TECTB: variants seen among roughly 807,000 people sequenced by gnomAD.
TECTB encodes tectorin beta, also known as beta-tectorin.
In TECTB, 45 loss-of-function variants were observed where a neutral mutation model predicts 43.3. That is an observed-to-expected ratio of 1.04 (90% CI 0.82 to 1.33). The LOEUF (loss-of-function observed/expected upper bound fraction) is 1.33, where lower values mean the gene tolerates loss of function less well. TECTB is among the 40% of genes most tolerant of loss of function. TECTB has a pLI of 0.00. For synonymous variants in TECTB, 169 were observed against 156.7 expected (o/e 1.08, Z -0.59); for missense variants, 399 against 404.7 (o/e 0.99, Z 0.12).
Position 112,303,656 on chromosome 10 carries a change from A to C in TECTB, c.*344A>C, listed in dbSNP as rs973212069. 2 of 272,358 alleles carry C rather than the reference A, an allele frequency of 7.3e-6. No homozygotes were observed. The highest frequency in any genetic ancestry group is 1.4e-5 in the Non-Finnish European group (2 of 141,660). The allele number at this position is 272,358 out of a possible 1,614,324, so 16.9% of individuals were successfully genotyped here. A position where few individuals can be genotyped will look rare whatever the true frequency, so the allele number is the denominator to read the frequency against. ...CAGACCCAACCAAGTACTGCTGAGC[A>C]TTTTGAAGAGAATGTAGGGTGCAAC... On this transcript the variant is annotated 3_prime_UTR_variant, in exon 11 of 11. Transcript: ENST00000646139.
chr10:112,297,002 G>A (rs574848158), intron 7 of TECTB, among the ~76,000 whole-genome samples: 1 of 152,266 alleles, frequency 6.6e-6, no homozygotes, highest in Non-Finnish European at 1.5e-5. Context: ...CCCCACAATA[G>A]TGTGGGCTTC....
Position 112,300,279 on chromosome 10 carries a change from A to AAAAGAAAGAAAGAAAGAAAG in TECTB, c.907+737_907+756dup, listed in dbSNP as rs71303596. 7.5e-3 allele frequency among the ~76,000 whole-genome samples: 363 copies of AAAAGAAAGAAAGAAAGAAAG among 48,258 alleles called. 2 individuals are homozygous for AAAAGAAAGAAAGAAAGAAAG. Among genetic ancestry groups the AAAAGAAAGAAAGAAAGAAAG allele is most frequent in the African/African-American group, 0.013 (144 of 11,208 alleles). 31.7% of individuals were successfully genotyped at this position (48,258 alleles called of 152,430 possible). On this transcript the variant is annotated intron_variant, in intron 9 of 10. Transcript: ENST00000646139. ...GAAAGAAAGAAAGAAAGAAAGAAAG[A>AAAAGAAAGAAAGAAAGAAAG]AAAGAAAGAAAGAAAGAAAGAAAGA...
At position 112,283,505 on chromosome 10, in the gene TECTB, C is replaced by T. The variant is rs995843577; in HGVS notation, c.-88+9C>T. 5.6e-6 allele frequency: 3 copies of T among 540,246 alleles called. No individual in the cohort carries two copies. Among genetic ancestry groups the T allele is most frequent in the African/African-American group, 1.9e-5 (1 of 51,954 alleles). 33.5% of individuals were successfully genotyped at this position (540,246 alleles called of 1,614,324 possible). Reference sequence around the variant, plus strand: ...CATTGACGCTTCCAACGGTATGAGCCCCACTTTTTGCCTCTCAGCGCTAAC... The same window carrying T: ...CATTGACGCTTCCAACGGTATGAGCTCCACTTTTTGCCTCTCAGCGCTAAC... On this transcript the variant is annotated intron_variant, in intron 1 of 10. Transcript: ENST00000646139.
rs1284690180 is a variant in TECTB, at chr10:112,303,430, T to C, written c.*118T>C. 3 of 1,297,982 alleles carry C rather than the reference T, an allele frequency of 2.3e-6. No individual in the cohort carries two copies. In the African/African-American group the frequency reaches 4.4e-5, roughly 19 times the overall value. 80.4% of individuals were successfully genotyped at this position (1,297,982 alleles called of 1,614,324 possible). On this transcript the variant is annotated 3_prime_UTR_variant, in exon 11 of 11. Coordinates refer to ENST00000646139, the MANE Select transcript of TECTB (RefSeq NM_058222.3). ...GACCACATTGTTGGGGGGCAGAGAA[T>C]AGCACTTTGCCAAATATGCACTCCA...
intron 8 of TECTB, 33 bp downstream of exon 8, chr10:112,298,264 C>T (rs1848566505): frequency 9.4e-6 from 15 of 1,595,410 alleles, no homozygotes; most frequent in Non-Finnish European, 1.3e-5. Flanking sequence ...GACAATGTTA[C>T]CTAAAGGGTG....
chr10:112,287,662 T>C (rs1848465717), intron 5 of TECTB, among the ~76,000 whole-genome samples: 1 of 152,188 alleles, frequency 6.6e-6, no homozygotes, highest in African/African-American at 2.4e-5. Context: ...TAACCTAGTC[T>C]GTTGTACAGA....
In TECTB at chr10:112,295,618, A is replaced by G. The variant is rs558013769; in HGVS notation, c.671+1557A>G. The stretch of plus-strand genomic sequence containing the variant: ...GTGTTTACCTCACATCTGCCATTGA[A>G]TGATTCAATTCATTCAGCCTCTGTT... On this transcript the variant is annotated intron_variant, in intron 7 of 10. Coordinates refer to ENST00000646139, the MANE Select transcript of TECTB (RefSeq NM_058222.3). Among the ~76,000 whole-genome samples the G allele has an allele frequency of 1.1e-4, 17 of 152,370 alleles. No individual in the cohort carries two copies. In the South Asian group the frequency reaches 3.5e-3, roughly 32 times the overall value.
intron 9 of TECTB, among the ~76,000 whole-genome samples, chr10:112,300,240 A>AAG (rs1848589638): frequency 1.0e-4 from 3 of 29,868 alleles, no homozygotes; most frequent in African/African-American, 1.5e-4. Flanking sequence ...TAAAGAAAGA[A>AAG]AGAAAGAAAG....
chr10:112,301,859 T>A (rs1218691516), intron 9 of TECTB, among the ~76,000 whole-genome samples: 1 of 152,128 alleles, frequency 6.6e-6, no homozygotes, highest in African/African-American at 2.4e-5. Context: ...TACAGGCACG[T>A]GCCACCACAT....
At position 112,286,375 on chromosome 10, in the gene TECTB, C is replaced by T; in HGVS notation, c.467C>T (p.Ser156Phe). 2 of 1,609,008 alleles carry T rather than the reference C, an allele frequency of 1.2e-6. No individual in the cohort carries two copies. Among genetic ancestry groups the T allele is most frequent in the Admixed American group, 1.7e-5 (1 of 59,920 alleles). Residue 156 changes from serine (S) to phenylalanine (F), a missense_variant, in exon 5 of 11, where the codon TCT (serine) becomes TTT (phenylalanine). By Grantham distance (155) the Ser-to-Phe change is radical. Coordinates refer to ENST00000646139, the MANE Select transcript of TECTB (RefSeq NM_058222.3). The stretch of plus-strand genomic sequence containing the variant: ...ATGGGCACATTTGAGAGCCAACTGT[C>T]TCTCAACTTCTACACTGTAAGTGGT... ...GSMGTFESQLSLNFYTNAKFS... is the reference protein window; with the variant it reads ...GSMGTFESQLFLNFYTNAKFS...
In TECTB at chr10:112,303,403, A is replaced by G; in HGVS notation, c.*91A>G. ...TTGTGCTGCCAAAAAGAACAAACAG[A>G]AGACCACATTGTTGGGGGGCAGAGA... is the stretch of plus-strand genomic sequence containing the variant. On this transcript the variant is annotated 3_prime_UTR_variant, in exon 11 of 11. Coordinates refer to ENST00000646139, the MANE Select transcript of TECTB (RefSeq NM_058222.3). 1 of 1,513,662 alleles carries G rather than the reference A, an allele frequency of 6.6e-7. No homozygotes were observed. The highest frequency in any genetic ancestry group is 9.2e-7 in the Non-Finnish European group (1 of 1,089,596). The allele number at this position is 1,513,662 out of a possible 1,614,324, so 93.8% of individuals were successfully genotyped here.
At chr10:112,286,290 C>G (rs1848454005) in intron 4 of TECTB, 29 bp from the exon 5 acceptor site, 1 of 1,611,528 alleles carries the variant, frequency 6.2e-7, no homozygotes, top group Non-Finnish European at 8.5e-7. Flanking sequence ...GTGTTTCAGT[C>G]CTTATGCAAA....
chr10:112,296,529 C>T (rs953228253), intron 7 of TECTB, among the ~76,000 whole-genome samples: 1 of 152,160 alleles, frequency 6.6e-6, no homozygotes, highest in Non-Finnish European at 1.5e-5. Context: ...TAAGAACTCC[C>T]ATCTTGAGTT....
chr10:112,302,217 C>A, intron 10 of TECTB, 84 bp downstream of exon 10: 1 of 1,538,596 alleles, frequency 6.5e-7, no homozygotes, highest in Non-Finnish European at 8.9e-7. Flanking sequence ...TTAACTTTGG[C>A]CCCGGCAAAA....
At chr10:112,293,668 A>T in intron 5 of TECTB, 70 bp from the exon 6 acceptor site, 1 of 1,412,256 alleles carries the variant, frequency 7.1e-7, no homozygotes. Flanking sequence ...ATCCCAATTC[A>T]TCTGCTCCTG....
chr10:112,301,220 C>T (rs572670325), intron 9 of TECTB, among the ~76,000 whole-genome samples: 1 of 152,214 alleles, frequency 6.6e-6, no homozygotes, highest in East Asian at 1.9e-4. Context: ...GTCAGGAGTT[C>T]GAGACCAGCC....
At position 112,293,778 on chromosome 10, in the gene TECTB, T is replaced by C. The variant is rs201166315; in HGVS notation, c.524T>C (p.Leu175Pro). 4.3e-6 allele frequency: 7 copies of C among 1,614,158 alleles called. No individual in the cohort carries two copies. The highest frequency in any genetic ancestry group is 5.1e-6 in the Non-Finnish European group (6 of 1,180,024). The change falls in exon 6 of 11, where the codon CTG becomes CCG. Residue 175 changes from leucine to proline, a missense_variant. Coordinates refer to ENST00000646139, the MANE Select transcript of TECTB (RefSeq NM_058222.3). ...ATCAAGAAAGAAGCTCCCTTTGTCCTGGAGGCATCCGAAATCGGTTCAGAT... is the reference window on the plus strand; with the variant it reads ...ATCAAGAAAGAAGCTCCCTTTGTCCCGGAGGCATCCGAAATCGGTTCAGAT... ...FSIKKEAPFV[L>P]EASEIGSDLF... is the part of the protein sequence containing the mutation.
intron 7 of TECTB, among the ~76,000 whole-genome samples, chr10:112,296,215 T>C (rs12257155): frequency 0.052 from 7,915 of 151,732 alleles, 662 homozygotes; most frequent in African/African-American, 0.18. Context: ...GCAGGAGATA[T>C]ATCATAAGGA....
chr10:112,298,001 A>C lies in TECTB; in HGVS notation c.672-68A>C, dbSNP rs1055335113. ...ACCACCTCGGGAGCCTTGTGTGTAAATCGCTCAGCAGCTCTTGCTGGAGTT... is the reference window on the plus strand; with the variant it reads ...ACCACCTCGGGAGCCTTGTGTGTAACTCGCTCAGCAGCTCTTGCTGGAGTT... On this transcript the variant is annotated intron_variant, in intron 7 of 10. Coordinates refer to ENST00000646139, the MANE Select transcript of TECTB (RefSeq NM_058222.3). 9.3e-6 allele frequency: 15 copies of C among 1,606,190 alleles called. 1 individual carries two copies. The South Asian group carries it at 1.7e-4, about 18-fold the overall frequency.
Sources: gnomAD v4.1 joint callset for allele counts (sites outside exome capture counted in the v4.1 genomes callset) on GRCh38, gnomAD v4.1.1 for gene constraint, MANE v1.5 for transcripts, NCBI Gene and HGNC (gene_info 2026-07-23, HGNC 2026-07-21) for gene names.